Variants in CAMK1D observed in about 807,000 individuals in gnomAD.
CAMK1D encodes the protein calcium/calmodulin-dependent protein kinase type 1D.
CAMK1D carries 9 observed loss-of-function variants against 47.7 expected under a neutral mutation model. That is an observed-to-expected ratio of 0.19 (90% CI 0.11 to 0.33). The LOEUF is 0.33. Ranked by LOEUF, CAMK1D falls within the 10% of genes least tolerant of loss-of-function variation. The pLI, the probability that CAMK1D is intolerant of heterozygous loss-of-function variation, is 1.00. For missense variants in CAMK1D, 291 were observed against 488.7 expected, an observed-to-expected ratio of 0.60 and a Z score of 3.81; for synonymous variants, 184 against 184.9, an observed-to-expected ratio of 0.99 and a Z score of 0.04.
At chr10:12,461,761 TCA>T (rs1210862149) in intron 1 of CAMK1D, among the ~76,000 whole-genome samples, 2 of 151,860 alleles carry the variant, frequency 1.3e-5, no homozygotes, top group East Asian at 1.9e-4. Flanking sequence ...TGGAAATATT[TCA>T]CAGTTATTTT....
At chr10:12,676,075 C>T (rs1840798976) in intron 3 of CAMK1D, among the ~76,000 whole-genome samples, 1 of 152,188 alleles carries the variant, frequency 6.6e-6, no homozygotes, top group South Asian at 2.1e-4. Context: ...GTCTCAGCCT[C>T]CTGAGTAGCT....
chr10:12,622,356 T>A (rs568910322), intron 2 of CAMK1D, among the ~76,000 whole-genome samples: 174 of 152,274 alleles, frequency 1.1e-3, no homozygotes, highest in Admixed American at 2.6e-3. Context: ...GGGCTGTTTT[T>A]GGTCTGAGCC....
At chr10:12,461,872 T>A (rs1229960558) in intron 1 of CAMK1D, among the ~76,000 whole-genome samples, 1 of 152,064 alleles carries the variant, frequency 6.6e-6, no homozygotes, top group East Asian at 1.9e-4. Context: ...GGAGGAAGTT[T>A]GTTGCTCATC....
chr10:12,452,492 A>C (rs966856181), intron 1 of CAMK1D, among the ~76,000 whole-genome samples: 2 of 151,830 alleles, frequency 1.3e-5, no homozygotes, highest in African/African-American at 4.8e-5. Flanking sequence ...ATAAATATAC[A>C]TTTATTTGTA....
chr10:12,827,994 C>T (rs966690134), intron 10 of CAMK1D, among the ~76,000 whole-genome samples: 3 of 152,150 alleles, frequency 2.0e-5, no homozygotes, highest in African/African-American at 7.2e-5. Flanking sequence ...AAGTGCTCTG[C>T]GTCACAAAAT....
At chr10:12,692,909 G>C (rs1832985717) in intron 3 of CAMK1D, among the ~76,000 whole-genome samples, 1 of 152,182 alleles carries the variant, frequency 6.6e-6, no homozygotes, top group Admixed American at 6.5e-5. Context: ...AGCTGTGATG[G>C]CAAATTTTAT....
At chr10:12,711,378 A>T (rs927446898) in intron 3 of CAMK1D, among the ~76,000 whole-genome samples, 6 of 152,212 alleles carry the variant, frequency 3.9e-5, no homozygotes, top group Admixed American at 2.0e-4. Flanking sequence ...TCCCTCTGTG[A>T]TAGACAGTAA....
chr10:12,572,745 C>A (rs1837366361), intron 2 of CAMK1D, among the ~76,000 whole-genome samples: 1 of 152,146 alleles, frequency 6.6e-6, no homozygotes. Flanking sequence ...GATCCTCCTG[C>A]CTCAGCCTCT....
chr10:12,824,625 C>A, intron 9 of CAMK1D, 73 bp downstream of exon 9: 2 of 1,202,686 alleles, frequency 1.7e-6, no homozygotes, highest in Non-Finnish European at 2.4e-6. Flanking sequence ...CTGAGCATTT[C>A]TGAAATCCCC....
intron 1 of CAMK1D, among the ~76,000 whole-genome samples, chr10:12,470,470 C>A (rs1333761137): frequency 6.6e-6 from 1 of 152,138 alleles, no homozygotes; most frequent in East Asian, 1.9e-4. Flanking sequence ...AAATTTTTCA[C>A]TAAAATCCCT....
intron 2 of CAMK1D, among the ~76,000 whole-genome samples, chr10:12,649,577 T>A (rs17495691): frequency 2.0e-5 from 3 of 152,180 alleles, no homozygotes; most frequent in Non-Finnish European, 2.9e-5. Context: ...TCTGGAGATA[T>A]AGGAATACGC....
intron 5 of CAMK1D, among the ~76,000 whole-genome samples, chr10:12,784,819 A>C (rs1284074184): frequency 6.6e-6 from 1 of 152,220 alleles, no homozygotes; most frequent in Non-Finnish European, 1.5e-5. Context: ...TTTTCCACAG[A>C]AATAATGGTG....
In CAMK1D at chr10:12,406,579, A is replaced by G. The variant is rs116842336; in HGVS notation, c.92+56669A>G. Among the ~76,000 whole-genome samples, 666 of 151,618 alleles carry G rather than the reference A, an allele frequency of 4.4e-3. 11 individuals carry two copies. In the East Asian group the frequency reaches 0.063, roughly 14 times the overall value. On this transcript the variant is annotated intron_variant, in intron 1 of 10. Coordinates refer to ENST00000619168, the MANE Select transcript of CAMK1D (RefSeq NM_153498.4). ...AAACAAACCCTCCACAAAAATTATC[A>G]GGGCATGGTGGTGCAAGTCTGTAGT...
At chr10:12,384,273 A>G (rs12246431) in intron 1 of CAMK1D, among the ~76,000 whole-genome samples, 1,542 of 152,304 alleles carry the variant, frequency 0.01, 25 homozygotes, top group African/African-American at 0.035. Context: ...GGAGATAGCA[A>G]AACTCCCCAA....
intron 1 of CAMK1D, among the ~76,000 whole-genome samples, chr10:12,547,015 C>T (rs1445149586): frequency 6.6e-6 from 1 of 152,022 alleles, no homozygotes; most frequent in African/African-American, 2.4e-5. Context: ...CCAGAAGGGG[C>T]TCAGACTGTG....
chr10:12,827,462 T>TTC lies in CAMK1D; in HGVS notation c.1040-1306_1040-1305insCT, dbSNP rs1564594070. Among the ~76,000 whole-genome samples the TTC allele has an allele frequency of 6.6e-4, 8 of 12,148 alleles. 3 individuals are homozygous for TTC. Among genetic ancestry groups the TTC allele is most frequent in the African/African-American group, 1.1e-3 (6 of 5,282 alleles). 8.0% of individuals were successfully genotyped at this position (12,148 alleles called of 152,430 possible). ...TTCTTTCTTTCTTTCTTTTCTTTCTTTGTCTGTCTGTCTTTCTTTCTTTCT... is the reference window on the plus strand; with the variant it reads ...TTCTTTCTTTCTTTCTTTTCTTTCTTTCTGTCTGTCTGTCTTTCTTTCTTTCT... On this transcript the variant is annotated intron_variant, in intron 10 of 10. Transcript: ENST00000619168.
At chr10:12,394,728 G>C (rs1198893797) in intron 1 of CAMK1D, among the ~76,000 whole-genome samples, 1 of 152,160 alleles carries the variant, frequency 6.6e-6, no homozygotes, top group Admixed American at 6.5e-5. Context: ...GGTTAGAAAG[G>C]GGGGTAAAGG....
intron 1 of CAMK1D, among the ~76,000 whole-genome samples, chr10:12,387,733 G>A (rs930438441): frequency 4.0e-5 from 6 of 151,350 alleles, no homozygotes; most frequent in African/African-American, 9.7e-5. Context: ...CAAGCGATCC[G>A]CCCACCCCAG....
At position 12,367,377 on chromosome 10, in the gene CAMK1D, A is replaced by G. The variant is rs375693384; in HGVS notation, c.92+17467A>G. On this transcript the variant is annotated intron_variant, in intron 1 of 10. Coordinates refer to ENST00000619168, the MANE Select transcript of CAMK1D (RefSeq NM_153498.4). ...CCAGGGATCAGTTTCGTGGAAGACA[A>G]TTTTTCCATGGACGAGGGGTGGGGG... Among the ~76,000 whole-genome samples the G allele has an allele frequency of 4.0e-4, 60 of 151,742 alleles. 1 individual carries two copies. In the South Asian group the frequency reaches 0.012, roughly 30 times the overall value.
Sources: gnomAD v4.1 joint callset for allele counts (sites outside exome capture counted in the v4.1 genomes callset) on GRCh38, gnomAD v4.1.1 for gene constraint, MANE v1.5 for transcripts, NCBI Gene and HGNC (gene_info 2026-07-23, HGNC 2026-07-21) for gene names.